The following GRID2 variants were observed in gnomAD, a reference collection of about 807,000 sequenced individuals.
The protein encoded by GRID2 is glutamate receptor ionotropic, delta-2.
In GRID2, 33 loss-of-function variants were observed where a neutral mutation model predicts 114.8. The observed-to-expected ratio is 0.29, with a 90% CI of 0.22 to 0.38. GRID2 has a LOEUF of 0.38. Among genes scored for constraint, GRID2 ranks in the 10% least tolerant of loss-of-function variants. The pLI, the probability that GRID2 is intolerant of heterozygous loss-of-function variation, is 1.00. For synonymous variants in GRID2, 505 were observed against 449.9 expected (o/e 1.12, Z -1.55); for missense variants, 1,184 against 1,257.7 (o/e 0.94, Z 0.89).
At position 93,191,408 on chromosome 4, in the gene GRID2, T is replaced by A. The variant is rs186926078; in HGVS notation, c.736-15996T>A. ...CTAAAATGTTGAGAGAGATTCTTTA[T>A]GGCCCTTATAAATAGAAACATTAAT... On this transcript the variant is annotated intron_variant, in intron 4 of 15. Transcript: ENST00000282020. Among the ~76,000 whole-genome samples the A allele has an allele frequency of 3.2e-3, 480 of 152,226 alleles. 10 individuals are homozygous for A. The highest frequency in any genetic ancestry group is 2.0e-3 in the Non-Finnish European group (138 of 67,940).
At chr4:92,957,286 A>AT (rs1578597534) in intron 2 of GRID2, among the ~76,000 whole-genome samples, 1 of 151,804 alleles carries the variant, frequency 6.6e-6, no homozygotes, top group Non-Finnish European at 1.5e-5. Flanking sequence ...ATATTTTTGC[A>AT]TTTTGCATTT....
intron 10 of GRID2, among the ~76,000 whole-genome samples, chr4:93,438,368 T>C (rs1383788255): frequency 6.6e-6 from 1 of 152,080 alleles, no homozygotes; most frequent in Non-Finnish European, 1.5e-5. Flanking sequence ...AGCTAGGTCT[T>C]CAGATGAGTA....
At chr4:93,488,379 A>G (rs1726619957) in intron 11 of GRID2, among the ~76,000 whole-genome samples, 1 of 151,966 alleles carries the variant, frequency 6.6e-6, no homozygotes, top group African/African-American at 2.4e-5. Context: ...TTCTGAATAT[A>G]ATACATCAGG....
At chr4:93,483,512 T>C (rs1339737766) in intron 11 of GRID2, among the ~76,000 whole-genome samples, 3 of 151,992 alleles carry the variant, frequency 2.0e-5, no homozygotes, top group Non-Finnish European at 4.4e-5. Context: ...AACAATTAAT[T>C]GCTTTTTCAT....
chr4:93,531,470 G>T (rs1440522264), intron 13 of GRID2, among the ~76,000 whole-genome samples: 1 of 152,022 alleles, frequency 6.6e-6, no homozygotes, highest in Non-Finnish European at 1.5e-5. Context: ...CACAGGACAG[G>T]TGCTTTACTC....
chr4:93,423,336 CTTTTTTTTTTTT>C (rs554663844), intron 10 of GRID2, among the ~76,000 whole-genome samples: 5 of 73,570 alleles, frequency 6.8e-5, no homozygotes, highest in East Asian at 4.6e-4. Context: ...TTTTTTCTTT[CTTTTTTTTTTTT>C]TTTTTTTTTT....
intron 8 of GRID2, among the ~76,000 whole-genome samples, chr4:93,302,380 TG>T (rs1359066836): frequency 6.6e-6 from 1 of 152,212 alleles, no homozygotes. Flanking sequence ...GAATAAACTG[TG>T]GCTGAAAGCC....
At chr4:93,533,693 G>A (rs1464110252) in intron 13 of GRID2, among the ~76,000 whole-genome samples, 2 of 151,496 alleles carry the variant, frequency 1.3e-5, no homozygotes, top group African/African-American at 4.9e-5. Context: ...CCTGGCCCCT[G>A]TAGGTTTTTT....
chr4:93,160,976 A>G (rs1252357369), intron 4 of GRID2, among the ~76,000 whole-genome samples: 5 of 151,830 alleles, frequency 3.3e-5, no homozygotes, highest in Non-Finnish European at 7.4e-5. Context: ...GTCCAGTTGC[A>G]AAACTGCCTC....
intron 13 of GRID2, among the ~76,000 whole-genome samples, chr4:93,574,424 C>T (rs1560768666): frequency 6.6e-6 from 1 of 152,086 alleles, no homozygotes; most frequent in East Asian, 1.9e-4. Context: ...CTGATAAAGA[C>T]ACCCAAGACT....
intron 9 of GRID2, among the ~76,000 whole-genome samples, chr4:93,399,154 C>G (rs1226804539): frequency 1.3e-5 from 2 of 151,994 alleles, no homozygotes; most frequent in Non-Finnish European, 2.9e-5. Flanking sequence ...GTATTTACGT[C>G]CAACACTTTC....
intron 2 of GRID2, among the ~76,000 whole-genome samples, chr4:92,925,710 A>G (rs931946558): frequency 1.3e-5 from 2 of 152,016 alleles, no homozygotes; most frequent in Middle Eastern, 3.2e-3. Context: ...ATTCCTACCC[A>G]GGCATTCACT....
At chr4:92,968,000 C>A (rs949334805) in intron 2 of GRID2, among the ~76,000 whole-genome samples, 2 of 151,782 alleles carry the variant, frequency 1.3e-5, no homozygotes, top group East Asian at 3.9e-4. Context: ...GTGCAGGAAC[C>A]TTGTGCGTCT....
chr4:93,563,348 A>G (rs1051361908), intron 13 of GRID2, among the ~76,000 whole-genome samples: 1 of 151,902 alleles, frequency 6.6e-6, no homozygotes, highest in African/African-American at 2.4e-5. Context: ...TGGTCCCCTC[A>G]CTTAAACATG....
At chr4:92,996,766 G>T (rs1755225048) in intron 2 of GRID2, among the ~76,000 whole-genome samples, 1 of 152,070 alleles carries the variant, frequency 6.6e-6, no homozygotes, top group African/African-American at 2.4e-5. Context: ...GCACCCGTTG[G>T]AGCAGGCCTA....
intron 2 of GRID2, among the ~76,000 whole-genome samples, chr4:92,747,193 T>C (rs979336174): frequency 6.6e-6 from 1 of 151,944 alleles, no homozygotes; most frequent in Non-Finnish European, 1.5e-5. Context: ...GGCAAAACAA[T>C]AAGACAGGTT....
At chr4:93,424,732 A>T (rs1768671322) in intron 10 of GRID2, among the ~76,000 whole-genome samples, 1 of 152,122 alleles carries the variant, frequency 6.6e-6, no homozygotes. Flanking sequence ...GTAAATATAG[A>T]GAATTATTTC....
Position 93,224,596 on chromosome 4 carries a change from T to C in GRID2, c.964-18T>C, listed in dbSNP as rs1282533453. 1.3e-6 allele frequency: 2 copies of C among 1,563,060 alleles called. No homozygotes were observed. The highest frequency in any genetic ancestry group is 1.4e-5 in the African/African-American group (1 of 73,804). On this transcript the variant is annotated intron_variant, in intron 6 of 15. Coordinates refer to ENST00000282020, the MANE Select transcript of GRID2 (RefSeq NM_001510.4). ...TGGTGTCAATGATTCTAATGATCAC[T>C]TTCTAATGTCTTTTCAGATTTCCAA... is the stretch of plus-strand genomic sequence containing the variant.
intron 1 of GRID2, among the ~76,000 whole-genome samples, chr4:92,535,955 A>G (rs1480248117): frequency 2.6e-5 from 4 of 152,154 alleles, no homozygotes; most frequent in Non-Finnish European, 5.9e-5. Context: ...CACTGGCTTC[A>G]GGAGAGATGG....
Sources: gnomAD v4.1 joint callset for allele counts (sites outside exome capture counted in the v4.1 genomes callset) on GRCh38, gnomAD v4.1.1 for gene constraint, MANE v1.5 for transcripts, NCBI Gene and HGNC (gene_info 2026-07-23, HGNC 2026-07-21) for gene names.